DNAH11: variants seen among roughly 807,000 people sequenced by gnomAD.
The protein encoded by DNAH11 is axonemal beta dynein heavy chain 11.
A neutral mutation model predicts 526.0 loss-of-function variants in DNAH11; 442 were observed. The ratio of observed to expected loss-of-function variants is 0.84; its 90% CI spans 0.78 to 0.91. DNAH11 has a LOEUF of 0.91. DNAH11 is among the 40% of genes least tolerant of loss of function. The pLI, the probability that DNAH11 is intolerant of heterozygous loss-of-function variation, is 0.00. For missense variants in DNAH11, 6,989 were observed against 5,448.7 expected, an observed-to-expected ratio of 1.28 and a Z score of -8.90; for synonymous variants, 2,461 against 1,935.9, an observed-to-expected ratio of 1.27 and a Z score of -7.12.
intron 30 of DNAH11, among the ~76,000 whole-genome samples, chr7:21,663,607 T>G (rs1019541390): frequency 6.6e-6 from 1 of 152,166 alleles, no homozygotes; most frequent in African/African-American, 2.4e-5. Context: ...CTTTGGTTTT[T>G]GTATAACTTC....
intron 66 of DNAH11, among the ~76,000 whole-genome samples, chr7:21,845,805 ACTTAACAATAATGG>A (rs756561951): frequency 1.2e-4 from 18 of 152,208 alleles, no homozygotes; most frequent in Non-Finnish European, 2.5e-4. Context: ...GAAAGGAATG[ACTTAACAATAATGG>A]CTTAACAATA....
chr7:21,662,006 A>G (rs1782260495), intron 30 of DNAH11, among the ~76,000 whole-genome samples: 1 of 152,008 alleles, frequency 6.6e-6, no homozygotes, highest in Non-Finnish European at 1.5e-5. Flanking sequence ...TTTAGTAGAG[A>G]CAGGGTTTCA....
At chr7:21,635,527 AG>A (rs1423091697) in intron 25 of DNAH11, among the ~76,000 whole-genome samples, 55 of 152,164 alleles carry the variant, frequency 3.6e-4, no homozygotes, top group Admixed American at 1.5e-3. Context: ...TGAGGGGAAG[AG>A]CAATGAAAGA....
At position 21,799,498 on chromosome 7, in the gene DNAH11, C is replaced by G. The variant is rs559412965; in HGVS notation, c.10027-1639C>G. ...GATTACAGGCACCCGCCACCACGCC[C>G]GGCTAATTTTTGTATTTTTAGTAGA... On this transcript the variant is annotated intron_variant, in intron 61 of 81. Transcript: ENST00000409508. 2.0e-5 allele frequency among the ~76,000 whole-genome samples: 3 copies of G among 152,148 alleles called. No homozygotes were observed. In the East Asian group the frequency reaches 5.8e-4, roughly 29 times the overall value.
chr7:21,684,076 TAGAGAAAC>T (rs1681208822), intron 32 of DNAH11, 132 bp downstream of exon 32: 4 of 945,198 alleles, frequency 4.2e-6, no homozygotes. Context: ...AGAATTGAAT[TAGAGAAAC>T]AGAGTTACAG....
rs946773577 is a variant in DNAH11, at chr7:21,866,335, A to AAG, written c.11497-135_11497-134insAG. The AAG allele has an allele frequency of 4.7e-5, 33 of 702,584 alleles. No homozygotes were observed. The South Asian group carries it at 1.3e-3, about 27-fold the overall frequency. 43.5% of individuals were successfully genotyped at this position (702,584 alleles called of 1,614,324 possible). On this transcript the variant is annotated intron_variant, in intron 70 of 81. Coordinates refer to ENST00000409508, the MANE Select transcript of DNAH11 (RefSeq NM_001277115.2). Reference sequence around the variant, plus strand: ...CTCAGCAGAGCAAAAAAAAAAAAAAAGGAAATCTGAAGAGGAGAGTGAATA... The same window carrying AAG: ...CTCAGCAGAGCAAAAAAAAAAAAAAAAGGGAAATCTGAAGAGGAGAGTGAATA...
At chr7:21,575,018 G>C (rs938606669) in intron 8 of DNAH11, among the ~76,000 whole-genome samples, 5 of 151,680 alleles carry the variant, frequency 3.3e-5, no homozygotes, top group Non-Finnish European at 2.9e-5. Context: ...GGGATTACAG[G>C]AGTGTGCCAC....
At position 21,814,402 on chromosome 7, in the gene DNAH11, A is replaced by G. The variant is rs913983078; in HGVS notation, c.10333-2065A>G. ...TTTTATACTTTAAGTTTTAGGGTAC[A>G]TGTGCACATTGTGCGGGTTAGTTAC... On this transcript the variant is annotated intron_variant, in intron 63 of 81. Coordinates refer to ENST00000409508, the MANE Select transcript of DNAH11 (RefSeq NM_001277115.2). Among the ~76,000 whole-genome samples, 124 of 150,744 alleles carry G rather than the reference A, an allele frequency of 8.2e-4. 1 individual carries two copies. Among genetic ancestry groups the G allele is most frequent in the African/African-American group, 2.7e-3 (110 of 41,178 alleles).
In DNAH11 at chr7:21,705,456, G is replaced by A. The variant is rs1784227584; in HGVS notation, c.6469-4G>A. ...AAACCAGCAACCAGCTGTTTGCTCTGCAGGTTGTCCAGCTTGAGGAACTGT... is the reference window on the plus strand; with the variant it reads ...AAACCAGCAACCAGCTGTTTGCTCTACAGGTTGTCCAGCTTGAGGAACTGT... On this transcript the variant is annotated splice_polypyrimidine_tract_variant and splice_region_variant and intron_variant, in intron 38 of 81. Coordinates refer to ENST00000409508, the MANE Select transcript of DNAH11 (RefSeq NM_001277115.2). 6.2e-7 allele frequency: 1 copy of A among 1,613,498 alleles called. No individual in the cohort carries two copies. The highest frequency in any genetic ancestry group is 1.7e-5 in the Admixed American group (1 of 59,970).
chr7:21,799,095 T>C (rs2127992398), intron 61 of DNAH11, among the ~76,000 whole-genome samples: 1 of 152,232 alleles, frequency 6.6e-6, no homozygotes. Flanking sequence ...TCATCAAAAT[T>C]AATCCTCAAA....
chr7:21,801,056 C>T, intron 61 of DNAH11, 81 bp from the exon 62 acceptor site: 1 of 1,442,438 alleles, frequency 6.9e-7, no homozygotes, highest in Non-Finnish European at 9.5e-7. Context: ...ATTTACCTTA[C>T]AGTAACAGAT....
At position 21,612,554 on chromosome 7, in the gene DNAH11, C is replaced by CAAAAAAAAAAAAAAAAAA. The variant is rs34356379; in HGVS notation, c.3853-2555_3853-2538dup. 4.9e-4 allele frequency among the ~76,000 whole-genome samples: 40 copies of CAAAAAAAAAAAAAAAAAA among 81,218 alleles called. No homozygotes were observed. The South Asian group carries it at 5.3e-3, about 11-fold the overall frequency. The allele number at this position is 81,218 out of a possible 152,430, so 53.3% of individuals were successfully genotyped here. ...TGGGCGACAGAGTGAGGCTCCGTCT[C>CAAAAAAAAAAAAAAAAAA]AAAAAAAAAAAAAAAAAAAAAAGAG... On this transcript the variant is annotated intron_variant, in intron 20 of 81. Coordinates refer to ENST00000409508, the MANE Select transcript of DNAH11 (RefSeq NM_001277115.2).
At chr7:21,859,541 C>T (rs990588500) in intron 68 of DNAH11, among the ~76,000 whole-genome samples, 13 of 152,296 alleles carry the variant, frequency 8.5e-5, no homozygotes, top group African/African-American at 3.1e-4. Flanking sequence ...TCAGATAAGA[C>T]ATATTCAAGC....
chr7:21,642,000 C>A (rs888395330), intron 28 of DNAH11, among the ~76,000 whole-genome samples: 2 of 152,272 alleles, frequency 1.3e-5, no homozygotes, highest in East Asian at 3.9e-4. Flanking sequence ...ACCACGCTAA[C>A]AAAGGGAGGT....
At chr7:21,826,753 T>TATCATGTCCTC (rs1562569230) in intron 65 of DNAH11, among the ~76,000 whole-genome samples, 3 of 152,260 alleles carry the variant, frequency 2.0e-5, no homozygotes, top group Admixed American at 2.0e-4. Flanking sequence ...GGAATGTCTT[T>TATCATGTCCTC]ATCATGTCCT....
At chr7:21,606,594 G>A in intron 19 of DNAH11, 52 bp downstream of exon 19, 2 of 1,441,352 alleles carry the variant, frequency 1.4e-6, no homozygotes, top group East Asian at 2.4e-5. Context: ...TAGGATAATT[G>A]AAGTATTTGT....
intron 28 of DNAH11, among the ~76,000 whole-genome samples, chr7:21,639,767 C>T (rs1787035727): frequency 6.6e-6 from 1 of 152,158 alleles, no homozygotes; most frequent in Admixed American, 6.5e-5. Context: ...TTAGATCTTA[C>T]AGTTGTGGCT....
At chr7:21,885,949 C>T (rs1388560653) in intron 76 of DNAH11, among the ~76,000 whole-genome samples, 5 of 152,134 alleles carry the variant, frequency 3.3e-5, no homozygotes, top group Non-Finnish European at 7.3e-5. Context: ...TTTTGTTTCT[C>T]GTACTACAGA....
chr7:21,669,882 T>C (rs1782575476), intron 30 of DNAH11, among the ~76,000 whole-genome samples: 1 of 152,172 alleles, frequency 6.6e-6, no homozygotes, highest in African/African-American at 2.4e-5. Context: ...TCTTGTTTCA[T>C]TGATCTATTT....
Sources: allele counts gnomAD v4.1 joint callset (sites outside exome capture counted in the v4.1 genomes callset), GRCh38; gene constraint gnomAD v4.1.1; transcripts MANE v1.5; gene names NCBI Gene and HGNC (gene_info 2026-07-23, HGNC 2026-07-21).